Variants in PIR observed in about 807,000 individuals in gnomAD.
PIR encodes pirin.
In PIR, 22 loss-of-function variants were observed where a neutral mutation model predicts 24.2. The observed-to-expected ratio is 0.91, with a 90% CI of 0.65 to 1.30. PIR has a LOEUF of 1.30. Ranked by LOEUF, PIR falls within the 50% of genes most tolerant of loss-of-function variation. PIR has a pLI of 0.00. For missense variants in PIR, 220 were observed against 220.3 expected, an observed-to-expected ratio of 1.00 and a Z score of 0.01; for synonymous variants, 80 against 79.6, an observed-to-expected ratio of 1.00 and a Z score of -0.03.
chrX:15,388,535 T>C (rs1351802738), intron 9 of PIR, among the ~76,000 whole-genome samples: 2 of 112,466 alleles, frequency 1.8e-5, no homozygotes, highest in Non-Finnish European at 3.8e-5. Flanking sequence ...CGGATTAACA[T>C]TAGGAAAGTG....
At chrX:15,416,147 G>A (rs1339954406) in intron 6 of PIR, among the ~76,000 whole-genome samples, 1 of 111,673 alleles carries the variant, frequency 9.0e-6, no homozygotes, top group East Asian at 2.8e-4. Flanking sequence ...TCTGATTCAC[G>A]TTAATCACTG....
chrX:15,491,184 C>T lies in PIR; in HGVS notation c.74G>A (p.Arg25Gln), dbSNP rs754937245. ...TACCTCGGGTCTGCCAATGCTTCTC[C>T]GGACCCTCGCTCCAACCCCTTCCGA... Reference protein sequence around the residue: ...EQSEGVGARVRRSIGRPELKN... With the variant: ...EQSEGVGARVQRSIGRPELKN... Residue 25 changes from arginine to glutamine, a missense_variant, in exon 2 of 10, where the codon CGG (arginine) becomes CAG (glutamine). By Grantham distance (43) the Arg-to-Gln change is conservative. Transcript: ENST00000380420. 3.2e-5 allele frequency: 39 copies of T among 1,203,238 alleles called. No homozygotes were observed. Among genetic ancestry groups the T allele is most frequent in the Non-Finnish European group, 3.9e-5 (35 of 890,156 alleles).
intron 2 of PIR, among the ~76,000 whole-genome samples, chrX:15,480,197 C>T (rs1219876783): frequency 8.2e-5 from 9 of 109,558 alleles, no homozygotes; most frequent in Non-Finnish European, 1.5e-4. Context: ...CTGCTGCCAT[C>T]CATATAAGAT....
intron 9 of PIR, among the ~76,000 whole-genome samples, chrX:15,389,761 T>C (rs1373174918): frequency 1.8e-5 from 2 of 111,212 alleles, no homozygotes; most frequent in Non-Finnish European, 3.8e-5. Flanking sequence ...AAAAATACTA[T>C]TCCTAAGAGT....
chrX:15,392,371 T>C (rs965868518), intron 8 of PIR, among the ~76,000 whole-genome samples: 1 of 111,626 alleles, frequency 9.0e-6, no homozygotes, highest in Non-Finnish European at 1.9e-5. Context: ...TTTTTGAAAC[T>C]TCACCCCAAT....
At chrX:15,432,699 T>C (rs1925548226) in intron 5 of PIR, among the ~76,000 whole-genome samples, 1 of 111,917 alleles carries the variant, frequency 8.9e-6, no homozygotes. Flanking sequence ...TGAGAACACA[T>C]TGAAGAAGAA....
At chrX:15,400,173 C>G (rs1924327971) in intron 7 of PIR, among the ~76,000 whole-genome samples, 1 of 111,757 alleles carries the variant, frequency 8.9e-6, no homozygotes, top group Non-Finnish European at 1.9e-5. Flanking sequence ...GTCATGGAAA[C>G]AAATGATAGA....
At chrX:15,429,075 G>C (rs1240143575) in intron 5 of PIR, among the ~76,000 whole-genome samples, 1 of 111,719 alleles carries the variant, frequency 9.0e-6, no homozygotes, top group East Asian at 2.8e-4. Context: ...GAAAGCTCTG[G>C]TTAACTCGCT....
At chrX:15,482,180 C>T (rs902931888) in intron 2 of PIR, among the ~76,000 whole-genome samples, 1 of 111,816 alleles carries the variant, frequency 8.9e-6, no homozygotes, top group Non-Finnish European at 1.9e-5. Flanking sequence ...AGTAACATTT[C>T]GACCAACAAC....
At chrX:15,389,253 A>G (rs1376125448) in intron 9 of PIR, among the ~76,000 whole-genome samples, 2 of 112,532 alleles carry the variant, frequency 1.8e-5, no homozygotes, top group East Asian at 5.5e-4. Context: ...GAGAAAAGGA[A>G]ACAAGAACCA....
At chrX:15,403,993 C>CTTTTTTTTT (rs151011282) in intron 7 of PIR, among the ~76,000 whole-genome samples, 2 of 89,910 alleles carry the variant, frequency 2.2e-5, no homozygotes, top group African/African-American at 4.0e-5. Flanking sequence ...CCAGCATTTT[C>CTTTTTTTTT]TTTTTTTTTT....
intron 5 of PIR, among the ~76,000 whole-genome samples, chrX:15,442,210 C>T (rs1052477898): frequency 3.6e-5 from 4 of 110,997 alleles, no homozygotes; most frequent in Middle Eastern, 4.7e-3. Context: ...TTCATTATCA[C>T]GTTTTCATTA....
chrX:15,447,311 TG>T (rs1352730270), intron 5 of PIR, among the ~76,000 whole-genome samples: 1 of 96,194 alleles, frequency 1.0e-5, no homozygotes, highest in Non-Finnish European at 2.1e-5. Flanking sequence ...TTTGGTTTTT[TG>T]GTTTTTTTTT....
At chrX:15,412,350 G>A (rs1404910650) in intron 6 of PIR, among the ~76,000 whole-genome samples, 6 of 111,604 alleles carry the variant, frequency 5.4e-5, no homozygotes, top group Non-Finnish European at 3.8e-5. Context: ...ATGTTTCTTC[G>A]TTAGACTGAA....
chrX:15,401,957 C>G (rs771433328), intron 7 of PIR, among the ~76,000 whole-genome samples: 1 of 112,337 alleles, frequency 8.9e-6, no homozygotes, highest in East Asian at 2.8e-4. Flanking sequence ...TTATCTGATG[C>G]AATTGAGATT....
intron 2 of PIR, among the ~76,000 whole-genome samples, chrX:15,487,675 A>G (rs1194572547): frequency 8.9e-6 from 1 of 112,477 alleles, no homozygotes; most frequent in Non-Finnish European, 1.9e-5. Flanking sequence ...CTGGGAGCAC[A>G]GAGGAACCAC....
At chrX:15,467,187 T>C (rs923685993) in intron 3 of PIR, among the ~76,000 whole-genome samples, 2 of 112,593 alleles carry the variant, frequency 1.8e-5, no homozygotes, top group African/African-American at 6.5e-5. Context: ...AAATATGTGA[T>C]CACCTATATA....
At chrX:15,450,254 C>T (rs1285644546) in intron 5 of PIR, among the ~76,000 whole-genome samples, 5 of 110,958 alleles carry the variant, frequency 4.5e-5, no homozygotes, top group Non-Finnish European at 7.6e-5. Context: ...AGAATTCCTT[C>T]CCAAGCAAGT....
chrX:15,427,401 C>T (rs1296136253), intron 5 of PIR, among the ~76,000 whole-genome samples: 3 of 110,557 alleles, frequency 2.7e-5, no homozygotes, highest in African/African-American at 6.6e-5. Context: ...TAAATACATG[C>T]ATTTTTAGAC....
Sources: allele counts gnomAD v4.1 joint callset (sites outside exome capture counted in the v4.1 genomes callset), GRCh38; gene constraint gnomAD v4.1.1; transcripts MANE v1.5; gene names NCBI Gene and HGNC (gene_info 2026-07-23, HGNC 2026-07-21).